FRYL: variants seen among roughly 807,000 people sequenced by gnomAD.
The protein encoded by FRYL is protein furry homolog-like.
FRYL carries 150 observed loss-of-function variants against 351.2 expected under a neutral mutation model. The ratio of observed to expected loss-of-function variants is 0.43; its 90% CI spans 0.37 to 0.49. The LOEUF (loss-of-function observed/expected upper bound fraction) is 0.49. FRYL is among the 20% of genes least tolerant of loss of function. The pLI, the probability that FRYL is intolerant of heterozygous loss-of-function variation, is 0.00. For missense variants in FRYL, 3,036 were observed against 3,619.3 expected (o/e 0.84, Z 4.13); for synonymous variants, 1,153 against 1,257.1 (o/e 0.92, Z 1.75).
intron 39 of FRYL, 28 bp from the exon 40 acceptor site, chr4:48,548,821 T>C (rs1732026585): frequency 7.8e-6 from 10 of 1,289,718 alleles, no homozygotes; most frequent in Non-Finnish European, 1.1e-5. Flanking sequence ...TTCATTAACG[T>C]TTTACTAGAT....
chr4:48,681,270 G>C, intron 3 of FRYL: 1 of 243,314 alleles, frequency 4.1e-6, no homozygotes, highest in East Asian at 1.3e-4. Flanking sequence ...ACCCCAGTCA[G>C]TCAATTGCCA....
chr4:48,570,648 T>C (rs1738082882), intron 27 of FRYL, among the ~76,000 whole-genome samples, 179 bp downstream of exon 27: 1 of 152,228 alleles, frequency 6.6e-6, no homozygotes, highest in African/African-American at 2.4e-5. Context: ...TTCAATACAT[T>C]TTTAGCTACT....
At position 48,740,222 on chromosome 4, in the gene FRYL, C is replaced by T. The variant is rs182126932; in HGVS notation, c.-383-29524G>A. On this transcript the variant is annotated intron_variant, in intron 1 of 63. Coordinates refer to ENST00000358350, the MANE Select transcript of FRYL (RefSeq NM_015030.2). The stretch of plus-strand genomic sequence containing the variant: ...TGGGAGAAAATATTTGCAAAACCTA[C>T]ATCTGATAAAGTAGCATCCAAAATA... 1.4e-3 allele frequency among the ~76,000 whole-genome samples: 214 copies of T among 151,032 alleles called. 1 individual carries two copies. The highest frequency in any genetic ancestry group is 4.6e-3 in the African/African-American group (190 of 41,100).
chr4:48,580,174 G>A (rs1462643137), intron 22 of FRYL, among the ~76,000 whole-genome samples: 4 of 151,896 alleles, frequency 2.6e-5, no homozygotes, highest in Admixed American at 6.6e-5. Context: ...GTGTTATGCC[G>A]CAAGCTCTTA....
rs767791167 is a variant in FRYL, at chr4:48,602,045, A to G, written c.1010T>C (p.Leu337Pro). 1.3e-6 allele frequency: 2 copies of G among 1,589,886 alleles called. No individual in the cohort carries two copies. Among genetic ancestry groups the G allele is most frequent in the Non-Finnish European group, 1.7e-6 (2 of 1,158,812 alleles). Reference protein sequence around the residue: ...QFFLNNWHIFLQNCLSHLKNK... With the variant: ...QFFLNNWHIFPQNCLSHLKNK... ...CTTTAAATGTGACAAACAGTTCTGT[A>G]GGAAAATATGCCAGTTATTTAAAAA... The change falls in exon 13 of 64, where the codon CTA (leucine) becomes CCA (proline). Residue 337 changes from leucine (L) to proline (P), a missense_variant. Coordinates refer to ENST00000358350, the MANE Select transcript of FRYL (RefSeq NM_015030.2).
At chr4:48,707,398 T>C (rs1429053319) in intron 2 of FRYL, among the ~76,000 whole-genome samples, 5 of 152,182 alleles carry the variant, frequency 3.3e-5, no homozygotes, top group Admixed American at 3.3e-4. Context: ...ACATGATGTC[T>C]AGAATTTGCT....
At chr4:48,763,156 T>C (rs1423694777) in intron 1 of FRYL, among the ~76,000 whole-genome samples, 1 of 151,074 alleles carries the variant, frequency 6.6e-6, no homozygotes, top group Non-Finnish European at 1.5e-5. Flanking sequence ...TTGAGAGATT[T>C]TGGATAAATT....
intron 23 of FRYL, among the ~76,000 whole-genome samples, chr4:48,577,074 T>C (rs1442876709): frequency 1.3e-5 from 2 of 152,200 alleles, no homozygotes; most frequent in African/African-American, 4.8e-5. Flanking sequence ...AAAGTTTTGT[T>C]GTTTGACATT....
chr4:48,552,908 G>A (rs1560590363), intron 36 of FRYL, among the ~76,000 whole-genome samples: 1 of 151,906 alleles, frequency 6.6e-6, no homozygotes, highest in Non-Finnish European at 1.5e-5. Context: ...TTCATTGGAT[G>A]TTCTTCTATT....
intron 3 of FRYL, among the ~76,000 whole-genome samples, chr4:48,677,764 T>A (rs1763958513): frequency 6.6e-6 from 1 of 152,234 alleles, no homozygotes. Context: ...TGGAAACAAC[T>A]GATTCAAGTA....
intron 52 of FRYL, 60 bp downstream of exon 52, chr4:48,527,911 A>AT: frequency 4.6e-6 from 6 of 1,317,788 alleles, no homozygotes; most frequent in Non-Finnish European, 6.3e-6. Context: ...GAGACAGATC[A>AT]TTTCTTCAAG....
chr4:48,631,729 G>A (rs1560752228), intron 4 of FRYL, among the ~76,000 whole-genome samples: 1 of 151,756 alleles, frequency 6.6e-6, no homozygotes, highest in Non-Finnish European at 1.5e-5. Flanking sequence ...AGCTTAGGGG[G>A]GGATGACTAA....
At chr4:48,683,557 A>G (rs1273145131) in intron 3 of FRYL, among the ~76,000 whole-genome samples, 1 of 152,124 alleles carries the variant, frequency 6.6e-6, no homozygotes, top group African/African-American at 2.4e-5. Context: ...TTTCCATGTA[A>G]AGCATTAATA....
At chr4:48,572,701 G>C (rs1431572011) in intron 26 of FRYL, among the ~76,000 whole-genome samples, 1 of 152,170 alleles carries the variant, frequency 6.6e-6, no homozygotes, top group Non-Finnish European at 1.5e-5. Flanking sequence ...TGGACCTATA[G>C]TTTCTGAAAG....
intron 2 of FRYL, among the ~76,000 whole-genome samples, chr4:48,707,025 A>G (rs2149585057): frequency 6.6e-6 from 1 of 152,314 alleles, no homozygotes; most frequent in African/African-American, 2.4e-5. Context: ...CCCCAAAGAA[A>G]CTGACTCACA....
At chr4:48,532,589 G>A (rs1442785964) in intron 49 of FRYL, among the ~76,000 whole-genome samples, 1 of 152,102 alleles carries the variant, frequency 6.6e-6, no homozygotes, top group African/African-American at 2.4e-5. Flanking sequence ...CCCAGGAGGC[G>A]GAGGTTGCAG....
rs1340078983 is a variant in FRYL at position 48,658,583 on chromosome 4, A to AT, written c.-80-24094_-80-24093insA. Reference sequence around the variant, plus strand: ...AAAACCCTCATCTCTACAAAAAAATACAAAAAAAAAAAAAAAAAAAAATTG... The same window carrying AT: ...AAAACCCTCATCTCTACAAAAAAATATCAAAAAAAAAAAAAAAAAAAAATTG... On this transcript the variant is annotated intron_variant, in intron 3 of 63. Transcript: ENST00000358350. 1.1e-4 allele frequency among the ~76,000 whole-genome samples: 10 copies of AT among 87,598 alleles called. No homozygotes were observed. The East Asian group carries it at 2.1e-3, about 18-fold the overall frequency. 57.5% of individuals were successfully genotyped at this position (87,598 alleles called of 152,430 possible). A position where few individuals can be genotyped will look rare whatever the true frequency, so the allele number is the denominator to read the frequency against.
intron 25 of FRYL, among the ~76,000 whole-genome samples, chr4:48,574,274 T>G (rs979846410): frequency 1.2e-4 from 18 of 152,176 alleles, no homozygotes; most frequent in African/African-American, 4.3e-4. Flanking sequence ...TGTTTCTAAT[T>G]ATGAGAATTT....
At position 48,540,835 on chromosome 4, in the gene FRYL, C is replaced by T; in HGVS notation, c.5813G>A (p.Arg1938Lys). The change falls in exon 46 of 64, where the codon AGA (arginine) becomes AAA (lysine). Residue 1938 changes from arginine (R) to lysine (K), a missense_variant. Arg to Lys is a conservative substitution (Grantham distance 26). Coordinates refer to ENST00000358350, the MANE Select transcript of FRYL (RefSeq NM_015030.2). The stretch of plus-strand genomic sequence containing the variant: ...CAAACTTAATCTCAAAGAGTTACTT[C>T]TTGCATTACTGTTATATCCCAAATA... ...SSYLGYNSNA[R>K]SNSLRLSLIG... 6.2e-7 allele frequency: 1 copy of T among 1,614,034 alleles called. No individual in the cohort carries two copies. The highest frequency in any genetic ancestry group is 8.5e-7 in the Non-Finnish European group (1 of 1,179,954).
Sources: gnomAD v4.1 joint callset for allele counts (sites outside exome capture counted in the v4.1 genomes callset) on GRCh38, gnomAD v4.1.1 for gene constraint, MANE v1.5 for transcripts, NCBI Gene and HGNC (gene_info 2026-07-23, HGNC 2026-07-21) for gene names.